The following TMEM132D variants were observed in gnomAD, a reference collection of about 807,000 sequenced individuals.
TMEM132D encodes the protein mature OL transmembrane protein.
Under a neutral mutation model 62.3 loss-of-function variants are expected in TMEM132D, and 21 were observed. The observed-to-expected ratio is 0.34, with a 90% confidence interval of 0.24 to 0.49. The LOEUF (loss-of-function observed/expected upper bound fraction) is 0.49. TMEM132D is among the 20% of genes least tolerant of loss of function. TMEM132D has a pLI of 0.99. For synonymous variants in TMEM132D, 621 were observed against 575.6 expected (o/e 1.08, Z -1.13); for missense variants, 1,346 against 1,402.8 (o/e 0.96, Z 0.65).
intron 1 of TMEM132D, among the ~76,000 whole-genome samples, chr12:129,747,087 C>T (rs1471879910): frequency 5.3e-5 from 5 of 94,910 alleles, no homozygotes; most frequent in Non-Finnish European, 7.2e-5. Flanking sequence ...GAGCCCAGGG[C>T]GCTCCAGTTC....
chr12:129,284,673 T>C (rs1172229605), intron 4 of TMEM132D, among the ~76,000 whole-genome samples: 3 of 152,230 alleles, frequency 2.0e-5, no homozygotes, highest in Admixed American at 2.0e-4. Flanking sequence ...AAATGCCCAT[T>C]GGCGGATGCA....
chr12:129,869,219 C>A (rs7972438), intron 1 of TMEM132D, among the ~76,000 whole-genome samples: 109,020 of 151,876 alleles, frequency 0.72, 40,862 homozygotes, highest in Non-Finnish European at 0.84. Flanking sequence ...TTGGTTTAGA[C>A]AAAGCATGTT....
chr12:129,094,651 A>T lies in TMEM132D; in HGVS notation c.1444-9949T>A, dbSNP rs191808198. ...ATTCCTCAGGGATCTAGAGCTAGAA[A>T]TACCATTTGACCCAGCCATCCTATT... On this transcript the variant is annotated intron_variant, in intron 5 of 8. Transcript: ENST00000422113. Among the ~76,000 whole-genome samples, 147 of 152,338 alleles carry T rather than the reference A, an allele frequency of 9.6e-4. 2 individuals are homozygous for T. The highest frequency in any genetic ancestry group is 3.5e-3 in the African/African-American group (144 of 41,572).
intron 5 of TMEM132D, among the ~76,000 whole-genome samples, chr12:129,104,557 T>G (rs944648445): frequency 6.6e-6 from 1 of 151,978 alleles, no homozygotes; most frequent in African/African-American, 2.4e-5. Context: ...CTAATTAAAC[T>G]CAAGAGCTTC....
intron 5 of TMEM132D, among the ~76,000 whole-genome samples, chr12:129,200,284 G>A (rs1443920995): frequency 2.6e-5 from 4 of 152,142 alleles, no homozygotes; most frequent in Non-Finnish European, 4.4e-5. Flanking sequence ...CTATTGGGAG[G>A]CCAGTCTAAT....
Position 129,764,707 on chromosome 12 carries a change from G to A in TMEM132D, c.80-64009C>T, listed in dbSNP as rs114338960. ...TGTATTCCCAGCACTTTAGGAGGTC[G>A]AGGTAGGAGGATTTCTTGAGCCCAG... On this transcript the variant is annotated intron_variant, in intron 1 of 8. Coordinates refer to ENST00000422113, the MANE Select transcript of TMEM132D (RefSeq NM_133448.3). Among the ~76,000 whole-genome samples the A allele has an allele frequency of 6.8e-3, 1,038 of 152,268 alleles. 13 individuals carry two copies. Among genetic ancestry groups the A allele is most frequent in the African/African-American group, 0.024 (989 of 41,550 alleles).
In TMEM132D at chr12:129,618,795, A is replaced by C. The variant is rs966812662; in HGVS notation, c.968+81015T>G. 3.9e-5 allele frequency among the ~76,000 whole-genome samples: 6 copies of C among 152,210 alleles called. No homozygotes were observed. The South Asian group carries it at 6.2e-4, about 16-fold the overall frequency. The stretch of plus-strand genomic sequence containing the variant: ...GATGTGTCTGTGACATAGCCTCAGG[A>C]GGTCCTGACATGTGCCCAAGGCGGT... On this transcript the variant is annotated intron_variant, in intron 2 of 8. Coordinates refer to ENST00000422113, the MANE Select transcript of TMEM132D (RefSeq NM_133448.3).
At chr12:129,765,666 G>T (rs1565978076) in intron 1 of TMEM132D, among the ~76,000 whole-genome samples, 1 of 151,812 alleles carries the variant, frequency 6.6e-6, no homozygotes, top group Non-Finnish European at 1.5e-5. Flanking sequence ...TCCTTTTGTG[G>T]ATACCCTTGT....
intron 3 of TMEM132D, among the ~76,000 whole-genome samples, chr12:129,472,832 A>T (rs1874133054): frequency 6.6e-6 from 1 of 152,172 alleles, no homozygotes; most frequent in South Asian, 2.1e-4. Flanking sequence ...TGAAAACAAG[A>T]GTCAATCAAT....
At chr12:129,224,054 G>A (rs1463145202) in intron 4 of TMEM132D, among the ~76,000 whole-genome samples, 2 of 152,114 alleles carry the variant, frequency 1.3e-5, no homozygotes, top group African/African-American at 2.4e-5. Context: ...AGCCCAAAAT[G>A]TCTCCAGTCA....
intron 1 of TMEM132D, among the ~76,000 whole-genome samples, chr12:129,724,024 G>T (rs1868937647): frequency 6.6e-6 from 1 of 152,144 alleles, no homozygotes; most frequent in Non-Finnish European, 1.5e-5. Flanking sequence ...TGTATTATCT[G>T]GGTGGGTCCA....
At chr12:129,327,140 G>A (rs1868942448) in intron 4 of TMEM132D, among the ~76,000 whole-genome samples, 1 of 152,094 alleles carries the variant, frequency 6.6e-6, no homozygotes, top group Non-Finnish European at 1.5e-5. Flanking sequence ...TGTTTATTAG[G>A]GAAGGGACTT....
At chr12:129,749,670 G>A (rs1461576247) in intron 1 of TMEM132D, among the ~76,000 whole-genome samples, 2 of 151,088 alleles carry the variant, frequency 1.3e-5, no homozygotes, top group African/African-American at 4.9e-5. Context: ...TCACCACGTT[G>A]GTCAGGCTGA....
At chr12:129,267,151 A>T (rs1273315849) in intron 4 of TMEM132D, among the ~76,000 whole-genome samples, 1 of 151,760 alleles carries the variant, frequency 6.6e-6, no homozygotes, top group Admixed American at 6.6e-5. Context: ...GAACAGGCTC[A>T]TCTGGTCCCT....
At chr12:129,851,160 T>C (rs959118704) in intron 1 of TMEM132D, among the ~76,000 whole-genome samples, 1 of 152,194 alleles carries the variant, frequency 6.6e-6, no homozygotes, top group Non-Finnish European at 1.5e-5. Context: ...GATGTTCCTA[T>C]CCATAGGGAA....
chr12:129,254,724 C>T (rs1880356753), intron 4 of TMEM132D, among the ~76,000 whole-genome samples: 1 of 152,182 alleles, frequency 6.6e-6, no homozygotes, highest in Non-Finnish European at 1.5e-5. Flanking sequence ...ACCGCCAAGG[C>T]ACACTTCTTT....
intron 5 of TMEM132D, among the ~76,000 whole-genome samples, chr12:129,140,534 C>T (rs140995742): frequency 9.9e-4 from 151 of 152,114 alleles, no homozygotes; most frequent in African/African-American, 3.5e-3. Flanking sequence ...ACTTCTTTCA[C>T]ATTGCATAGT....
intron 5 of TMEM132D, among the ~76,000 whole-genome samples, chr12:129,128,082 C>T (rs1188126748): frequency 6.6e-6 from 1 of 152,114 alleles, no homozygotes; most frequent in African/African-American, 2.4e-5. Context: ...GACAGTTGGT[C>T]TCCCTCTTGC....
intron 1 of TMEM132D, among the ~76,000 whole-genome samples, chr12:129,711,395 A>T (rs1044090897): frequency 6.6e-6 from 1 of 152,206 alleles, no homozygotes; most frequent in Admixed American, 6.5e-5. Context: ...CCAGGTGGAA[A>T]GCACTCAGCC....
Sources: gnomAD v4.1 joint callset for allele counts (sites outside exome capture counted in the v4.1 genomes callset) on GRCh38, gnomAD v4.1.1 for gene constraint, MANE v1.5 for transcripts, NCBI Gene and HGNC (gene_info 2026-07-23, HGNC 2026-07-21) for gene names.